The following ADAM23 variants were observed in gnomAD, a reference collection of about 807,000 sequenced individuals.
ADAM23 encodes the protein disintegrin and metalloproteinase domain-containing protein 23.
In ADAM23, 33 loss-of-function variants were observed where a neutral mutation model predicts 120.1. That is an observed-to-expected ratio of 0.27 (90% CI 0.21 to 0.37). The LOEUF (loss-of-function observed/expected upper bound fraction) is 0.37, where lower values mean the gene tolerates loss of function less well. Among genes scored for constraint, ADAM23 ranks in the 10% least tolerant of loss-of-function variants. ADAM23 has a pLI of 1.00. For missense variants in ADAM23, 862 were observed against 1,058.2 expected (o/e 0.81, Z 2.57); for synonymous variants, 367 against 375.2 (o/e 0.98, Z 0.25).
chr2:206,615,562 G>A (rs150218570), intron 25 of ADAM23, among the ~76,000 whole-genome samples: 18 of 152,262 alleles, frequency 1.2e-4, no homozygotes, highest in African/African-American at 4.1e-4. Flanking sequence ...TGTCCTCATC[G>A]CAGTGTGGCC....
chr2:206,549,286 T>A (rs936797353), intron 8 of ADAM23, among the ~76,000 whole-genome samples: 1 of 151,344 alleles, frequency 6.6e-6, no homozygotes, highest in Non-Finnish European at 1.5e-5. Flanking sequence ...TATAAATTAT[T>A]ATTAGATCTC....
intron 3 of ADAM23, among the ~76,000 whole-genome samples, chr2:206,499,507 G>C: frequency 7.8e-6 from 1 of 128,156 alleles, no homozygotes; most frequent in Admixed American, 8.0e-5. Context: ...GTGGGGGGAG[G>C]GGGGATAGCA....
chr2:206,589,836 T>C (rs551042246), intron 21 of ADAM23, among the ~76,000 whole-genome samples: 3 of 152,336 alleles, frequency 2.0e-5, no homozygotes, highest in South Asian at 2.1e-4. Flanking sequence ...CTACTTTTAC[T>C]AGAATATATG....
chr2:206,556,312 CAGAT>C (rs1300168709), intron 9 of ADAM23, among the ~76,000 whole-genome samples: 21 of 152,070 alleles, frequency 1.4e-4, no homozygotes, highest in African/African-American at 3.1e-4. Flanking sequence ...AACATAGTCA[CAGAT>C]AGAATGAAAT....
At chr2:206,496,419 TGAAGGCA>T (rs1036514126) in intron 3 of ADAM23, among the ~76,000 whole-genome samples, 6 of 151,800 alleles carry the variant, frequency 4.0e-5, no homozygotes, top group African/African-American at 1.5e-4. Context: ...CATAACGAAA[TGAAGGCA>T]GAAATAAAGA....
chr2:206,592,353 C>G, intron 21 of ADAM23, among the ~76,000 whole-genome samples: 1 of 152,184 alleles, frequency 6.6e-6, no homozygotes. Context: ...AAGTGGGCGT[C>G]GAGAATGGGA....
At chr2:206,476,538 C>G (rs530271563) in intron 2 of ADAM23, among the ~76,000 whole-genome samples, 6 of 152,022 alleles carry the variant, frequency 3.9e-5, no homozygotes, top group Non-Finnish European at 7.4e-5. Flanking sequence ...ACTGCACGTG[C>G]GATGGATCTA....
chr2:206,500,239 C>T (rs1215241911), intron 3 of ADAM23, among the ~76,000 whole-genome samples: 1 of 151,974 alleles, frequency 6.6e-6, no homozygotes, highest in Non-Finnish European at 1.5e-5. Context: ...GTAGCCACAC[C>T]ATATAGGAAG....
intron 15 of ADAM23, among the ~76,000 whole-genome samples, chr2:206,570,183 T>G (rs1302539579): frequency 6.6e-6 from 1 of 152,240 alleles, no homozygotes; most frequent in African/African-American, 2.4e-5. Flanking sequence ...TATCCATACA[T>G]GTGTCTTATG....
At chr2:206,528,990 C>T (rs1000469491) in intron 3 of ADAM23, among the ~76,000 whole-genome samples, 1 of 152,070 alleles carries the variant, frequency 6.6e-6, no homozygotes, top group Non-Finnish European at 1.5e-5. Flanking sequence ...AGTGATAGAG[C>T]CCAAACAGGA....
At chr2:206,497,019 C>G (rs1559234406) in intron 3 of ADAM23, among the ~76,000 whole-genome samples, 1 of 151,998 alleles carries the variant, frequency 6.6e-6, no homozygotes, top group Non-Finnish European at 1.5e-5. Flanking sequence ...AATAGCTTAC[C>G]AACCAAAAAA....
intron 3 of ADAM23, among the ~76,000 whole-genome samples, chr2:206,488,381 G>C (rs1057334375): frequency 2.0e-5 from 3 of 152,198 alleles, no homozygotes; most frequent in Non-Finnish European, 4.4e-5. Flanking sequence ...ATGAGGGAAG[G>C]TTTTCTGGGG....
intron 21 of ADAM23, among the ~76,000 whole-genome samples, chr2:206,590,085 G>A (rs1244849834): frequency 2.0e-5 from 3 of 151,826 alleles, no homozygotes; most frequent in African/African-American, 7.3e-5. Flanking sequence ...AGAGCACATT[G>A]ATATTTCTTT....
In ADAM23 at chr2:206,543,309, A is replaced by G. The variant is rs1034295179; in HGVS notation, c.713A>G (p.His238Arg). 6.2e-7 allele frequency: 1 copy of G among 1,613,990 alleles called. No individual in the cohort carries two copies. The highest frequency in any genetic ancestry group is 8.5e-7 in the Non-Finnish European group (1 of 1,179,878). Residue 238 changes from histidine to arginine, a missense_variant, in exon 6 of 26, where the codon CAT (histidine) becomes CGT (arginine). His to Arg is a conservative substitution (Grantham distance 29, BLOSUM62 0). This residue lies in a region of ADAM23 where 617 missense variants were observed against 813.5 expected (regional missense o/e 0.76). Transcript: ENST00000264377. The part of the protein sequence containing the change: ...VYMIEPLELV[H>R]DEKSTGRPHI... ...ATGATAGAGCCACTAGAGCTGGTTCATGATGAGGTGAGTCTATGCCATCAG... is the reference window on the plus strand; with the variant it reads ...ATGATAGAGCCACTAGAGCTGGTTCGTGATGAGGTGAGTCTATGCCATCAG...
intron 18 of ADAM23, among the ~76,000 whole-genome samples, chr2:206,577,815 C>G (rs1403031664): frequency 1.3e-5 from 2 of 151,662 alleles, no homozygotes; most frequent in Non-Finnish European, 2.9e-5. Flanking sequence ...ATTTCTAGTT[C>G]TAGATCCCTG....
chr2:206,527,940 G>T (rs1223422166), intron 3 of ADAM23, among the ~76,000 whole-genome samples: 1 of 152,154 alleles, frequency 6.6e-6, no homozygotes, highest in African/African-American at 2.4e-5. Flanking sequence ...ATTCTAAAAT[G>T]CCAGAGATAC....
intron 25 of ADAM23, among the ~76,000 whole-genome samples, chr2:206,614,521 G>C (rs1698897665): frequency 6.6e-6 from 1 of 152,058 alleles, no homozygotes; most frequent in Admixed American, 6.5e-5. Flanking sequence ...CGGGCATGGT[G>C]GTGCACGCCT....
intron 8 of ADAM23, 95 bp downstream of exon 8, chr2:206,548,449 A>G: frequency 2.5e-6 from 3 of 1,197,706 alleles, no homozygotes; most frequent in Non-Finnish European, 3.5e-6. Flanking sequence ...AAAACAGTTC[A>G]GATTTTGGGG....
intron 13 of ADAM23, among the ~76,000 whole-genome samples, chr2:206,564,456 C>G (rs887159837): frequency 6.6e-6 from 1 of 152,224 alleles, no homozygotes; most frequent in Non-Finnish European, 1.5e-5. Context: ...ATTCTCTTCT[C>G]TAACTTCGAG....
Sources: gnomAD v4.1 joint callset for allele counts (sites outside exome capture counted in the v4.1 genomes callset) on GRCh38, gnomAD v4.1.1 for gene constraint, gnomAD v4.1.1 regional missense constraint, MANE v1.5 for transcripts, NCBI Gene and HGNC (gene_info 2026-07-23, HGNC 2026-07-21) for gene names.